TFAP2D: variants seen among roughly 807,000 people sequenced by gnomAD.
TFAP2D encodes the protein transcription factor AP-2-delta.
Under a neutral mutation model 43.6 loss-of-function variants are expected in TFAP2D, and 9 were observed. The observed-to-expected ratio is 0.21, with a 90% confidence interval of 0.12 to 0.36. TFAP2D has a LOEUF of 0.36. TFAP2D is among the 10% of genes least tolerant of loss of function. TFAP2D has a pLI of 1.00. For missense variants in TFAP2D, 513 were observed against 561.4 expected (o/e 0.91, Z 0.87); for synonymous variants, 256 against 224.9 (o/e 1.14, Z -1.24).
intron 3 of TFAP2D, among the ~76,000 whole-genome samples, chr6:50,719,501 G>GAAAGAAA (rs3835214): frequency 1.5e-5 from 2 of 133,460 alleles, no homozygotes; most frequent in South Asian, 2.4e-4. Context: ...AAGAAAGAAA[G>GAAAGAAA]AAGTTTCTCA....
chr6:50,729,372 G>T (rs900562711), intron 5 of TFAP2D, 60 bp downstream of exon 5: 2 of 1,436,226 alleles, frequency 1.4e-6, no homozygotes, highest in Non-Finnish European at 1.9e-6. Context: ...TGAAACTCAG[G>T]TTTCTTAAAT....
At chr6:50,746,553 T>A (rs1222903879) in intron 6 of TFAP2D, among the ~76,000 whole-genome samples, 1 of 152,170 alleles carries the variant, frequency 6.6e-6, no homozygotes, top group Non-Finnish European at 1.5e-5. Flanking sequence ...GAAAACTTTT[T>A]AAGAGAAAAT....
At chr6:50,768,659 T>TG (rs1290110652) in intron 7 of TFAP2D, among the ~76,000 whole-genome samples, 1 of 152,176 alleles carries the variant, frequency 6.6e-6, no homozygotes, top group African/African-American at 2.4e-5. Flanking sequence ...TTTAATTATT[T>TG]GGGGTTCATA....
At chr6:50,770,851 T>C (rs1220813111) in intron 7 of TFAP2D, among the ~76,000 whole-genome samples, 1 of 152,184 alleles carries the variant, frequency 6.6e-6, no homozygotes, top group East Asian at 1.9e-4. Context: ...TAGCAGTTAA[T>C]GGCTTTATTA....
At chr6:50,768,802 CAT>C (rs1293510419) in intron 7 of TFAP2D, among the ~76,000 whole-genome samples, 1 of 151,864 alleles carries the variant, frequency 6.6e-6, no homozygotes, top group South Asian at 2.1e-4. Flanking sequence ...TAATGTTTTT[CAT>C]ATTGAAAGAT....
At chr6:50,741,323 G>C (rs1581768249) in intron 5 of TFAP2D, among the ~76,000 whole-genome samples, 2 of 152,164 alleles carry the variant, frequency 1.3e-5, no homozygotes, top group South Asian at 4.1e-4. Flanking sequence ...GGGTACAAAT[G>C]CAAGTTTGTT....
In TFAP2D at chr6:50,715,609, T is replaced by C. The variant is rs1768608910; in HGVS notation, c.533T>C (p.Leu178Ser). ...LGLAAAGADDLQGSVEAQCGL... is the reference protein window; with the variant it reads ...LGLAAAGADDSQGSVEAQCGL... ...CTGGCCGCCGCGGGAGCAGACGACTTGCAGGTAAATAAGCATGCAGCGAAT... is the reference window on the plus strand; with the variant it reads ...CTGGCCGCCGCGGGAGCAGACGACTCGCAGGTAAATAAGCATGCAGCGAAT... Residue 178 changes from leucine to serine, a missense_variant, in exon 2 of 8, where the codon TTG (leucine) becomes TCG (serine). Transcript: ENST00000008391. The C allele has an allele frequency of 1.9e-6, 3 of 1,592,112 alleles. No homozygotes were observed. The highest frequency in any genetic ancestry group is 2.6e-6 in the Non-Finnish European group (3 of 1,168,448).
intron 7 of TFAP2D, among the ~76,000 whole-genome samples, chr6:50,756,619 A>AAG (rs1769269291): frequency 1.3e-5 from 2 of 152,026 alleles, no homozygotes; most frequent in African/African-American, 2.4e-5. Context: ...CTCACAATTC[A>AAG]CAGCCTGGAA....
At chr6:50,758,247 T>C (rs1472242192) in intron 7 of TFAP2D, among the ~76,000 whole-genome samples, 4 of 151,936 alleles carry the variant, frequency 2.6e-5, no homozygotes, top group Non-Finnish European at 4.4e-5. Context: ...TCTTCATTGA[T>C]TCTCAGTGTT....
intron 7 of TFAP2D, among the ~76,000 whole-genome samples, chr6:50,761,235 A>T (rs1769359637): frequency 6.6e-6 from 1 of 151,712 alleles, no homozygotes; most frequent in Admixed American, 6.6e-5. Flanking sequence ...CACCAAAAAA[A>T]AAAAGGTGAG....
intron 7 of TFAP2D, among the ~76,000 whole-genome samples, chr6:50,761,602 T>C (rs1426610791): frequency 6.6e-6 from 1 of 152,060 alleles, no homozygotes; most frequent in African/African-American, 2.4e-5. Flanking sequence ...CAGGAGAGGA[T>C]TCCATAGAAG....
intron 5 of TFAP2D, 145 bp from the exon 6 acceptor site, chr6:50,744,962 A>C: frequency 1.0e-6 from 1 of 971,500 alleles, no homozygotes; most frequent in Non-Finnish European, 1.5e-6. Flanking sequence ...CCTCCCCCCA[A>C]AAAGGTCTTT....
intron 1 of TFAP2D, 70 bp downstream of exon 1, chr6:50,714,164 T>C (rs188518358): frequency 6.6e-6 from 10 of 1,519,188 alleles, no homozygotes; most frequent in South Asian, 2.3e-5. Context: ...GTGGCGGCGG[T>C]GGCGGCGGCG....
intron 6 of TFAP2D, among the ~76,000 whole-genome samples, chr6:50,746,577 T>C (rs1769127720): frequency 6.6e-6 from 1 of 152,108 alleles, no homozygotes; most frequent in Non-Finnish European, 1.5e-5. Flanking sequence ...GGGCAGAGAG[T>C]ATTAAAAACA....
intron 5 of TFAP2D, among the ~76,000 whole-genome samples, chr6:50,743,998 A>G (rs1420398931): frequency 6.6e-6 from 1 of 152,164 alleles, no homozygotes; most frequent in Non-Finnish European, 1.5e-5. Flanking sequence ...GCCTTGAATA[A>G]GGTAGGTGAG....
chr6:50,770,081 C>A (rs930039426), intron 7 of TFAP2D, among the ~76,000 whole-genome samples: 1 of 152,100 alleles, frequency 6.6e-6, no homozygotes, highest in African/African-American at 2.4e-5. Context: ...AGAAAAGAGA[C>A]AGTTTGTGCC....
At position 50,749,511 on chromosome 6, in the gene TFAP2D, T is replaced by C. The variant is rs192822751; in HGVS notation, c.1026-1700T>C. ...TCTTTGTAAGAATGGATCGTAATGA[T>C]GACCTACCATACAGTAATTTGGAAA... On this transcript the variant is annotated intron_variant, in intron 6 of 7. Coordinates refer to ENST00000008391, the MANE Select transcript of TFAP2D (RefSeq NM_172238.4). Among the ~76,000 whole-genome samples, 309 of 152,000 alleles carry C rather than the reference T, an allele frequency of 2.0e-3. 2 individuals carry two copies. The highest frequency in any genetic ancestry group is 7.0e-3 in the African/African-American group (292 of 41,542).
At chr6:50,759,298 C>T (rs1769331589) in intron 7 of TFAP2D, among the ~76,000 whole-genome samples, 2 of 151,968 alleles carry the variant, frequency 1.3e-5, no homozygotes, top group Admixed American at 6.6e-5. Context: ...TCAGTCTCCA[C>T]TTGGTTACCA....
chr6:50,768,273 CTTT>C (rs67686384), intron 7 of TFAP2D, among the ~76,000 whole-genome samples: 17 of 77,280 alleles, frequency 2.2e-4, no homozygotes, highest in African/African-American at 8.6e-4. Context: ...TTCTAATTTT[CTTT>C]TTTTTTTTTT....
Sources: allele counts gnomAD v4.1 joint callset (sites outside exome capture counted in the v4.1 genomes callset), GRCh38; gene constraint gnomAD v4.1.1; transcripts MANE v1.5; gene names NCBI Gene and HGNC (gene_info 2026-07-23, HGNC 2026-07-21).